The following NRDC variants were observed in gnomAD, a reference collection of about 807,000 sequenced individuals.
NRDC encodes the protein nardilysin.
In NRDC, 54 loss-of-function variants were observed where a neutral mutation model predicts 147.1. The ratio of observed to expected loss-of-function variants is 0.37; its 90% CI spans 0.29 to 0.46. The LOEUF (loss-of-function observed/expected upper bound fraction) is 0.46. Among genes scored for constraint, NRDC ranks in the 20% least tolerant of loss-of-function variants. NRDC has a pLI of 1.00. For missense variants in NRDC, 1,082 were observed against 1,370.6 expected, an observed-to-expected ratio of 0.79 and a Z score of 3.33; for synonymous variants, 440 against 482.1, an observed-to-expected ratio of 0.91 and a Z score of 1.14.
chr1:51,822,812 A>G (rs1208903268), intron 7 of NRDC, among the ~76,000 whole-genome samples: 1 of 152,238 alleles, frequency 6.6e-6, no homozygotes, highest in Non-Finnish European at 1.5e-5. Context: ...CTTTACCTTC[A>G]AGTCAACTTT....
intron 1 of NRDC, among the ~76,000 whole-genome samples, chr1:51,854,195 CTG>C (rs752694898): frequency 2.7e-4 from 41 of 152,156 alleles, no homozygotes; most frequent in Admixed American, 6.5e-4. Context: ...TGAGGAAACT[CTG>C]TCTCTACTAA....
intron 1 of NRDC, among the ~76,000 whole-genome samples, chr1:51,847,926 C>T (rs1018394543): frequency 2.9e-4 from 44 of 152,246 alleles, no homozygotes; most frequent in African/African-American, 1.1e-3. Context: ...ACGCTGTCAC[C>T]TCTCATTTTG....
chr1:51,833,852 C>T (rs745434082), intron 4 of NRDC, among the ~76,000 whole-genome samples, 165 bp downstream of exon 4: 4 of 152,262 alleles, frequency 2.6e-5, no homozygotes, highest in Non-Finnish European at 4.4e-5. Context: ...TGGCTTTAAG[C>T]GAGCCTTCTA....
At chr1:51,836,076 T>TAA in intron 3 of NRDC, 55 bp downstream of exon 3, 1 of 1,326,386 alleles carries the variant, frequency 7.5e-7, no homozygotes. Context: ...TCAATTCATA[T>TAA]AAGTTTGGAG....
intron 1 of NRDC, among the ~76,000 whole-genome samples, chr1:51,875,593 C>T (rs1255216052): frequency 1.3e-5 from 2 of 150,918 alleles, no homozygotes; most frequent in African/African-American, 2.4e-5. Flanking sequence ...CAGTGTCTCA[C>T]TGCCACCCAG....
chr1:51,875,856 A>AT (rs201533416), intron 1 of NRDC, among the ~76,000 whole-genome samples: 30 of 148,320 alleles, frequency 2.0e-4, no homozygotes, highest in East Asian at 3.9e-4. Context: ...ACAGTCTCTA[A>AT]TTTTTTTTTT....
intron 20 of NRDC, among the ~76,000 whole-genome samples, chr1:51,801,594 T>C (rs1311415695): frequency 6.6e-6 from 1 of 152,180 alleles, no homozygotes; most frequent in African/African-American, 2.4e-5. Context: ...AAGAATACAA[T>C]CATATCATCT....
intron 19 of NRDC, among the ~76,000 whole-genome samples, chr1:51,804,217 G>A (rs1679344156): frequency 6.6e-6 from 1 of 152,166 alleles, no homozygotes; most frequent in Non-Finnish European, 1.5e-5. Context: ...ATTGTACAAT[G>A]AGGTAAATGG....
At chr1:51,853,222 A>AT (rs900473338) in intron 1 of NRDC, among the ~76,000 whole-genome samples, 65 of 144,408 alleles carry the variant, frequency 4.5e-4, no homozygotes, top group South Asian at 1.5e-3. Context: ...TCTCCAAAAA[A>AT]AAATATATAT....
At position 51,836,229 on chromosome 1, in the gene NRDC, A is replaced by C; in HGVS notation, c.631-17T>G. 6.2e-7 allele frequency: 1 copy of C among 1,612,352 alleles called. No homozygotes were observed. Among genetic ancestry groups the C allele is most frequent in the Non-Finnish European group, 8.5e-7 (1 of 1,178,460 alleles). On this transcript the variant is annotated splice_polypyrimidine_tract_variant and intron_variant, in intron 2 of 30. Transcript: ENST00000352171. The stretch of plus-strand genomic sequence containing the variant: ...CGCTGCAGACTGGAGTAATTAGAAC[A>C]CATACAAATAGTTGAGTCAACCCTA...
At position 51,878,671 on chromosome 1, in the gene NRDC, G is replaced by C; in HGVS notation, c.-56C>G. On this transcript the variant is annotated 5_prime_UTR_variant, in exon 1 of 31. Coordinates refer to ENST00000352171, the MANE Select transcript of NRDC (RefSeq NM_001101662.2). ...GCTTCCCAGGACCCACCTCCTCCGCGTTCTAGAGGCGGTGGCGGCCGGCCC... is the reference window on the plus strand; with the variant it reads ...GCTTCCCAGGACCCACCTCCTCCGCCTTCTAGAGGCGGTGGCGGCCGGCCC... 2 of 1,483,524 alleles carry C rather than the reference G, an allele frequency of 1.3e-6. No individual in the cohort carries two copies. Among genetic ancestry groups the C allele is most frequent in the Non-Finnish European group, 1.8e-6 (2 of 1,089,646 alleles). 91.9% of individuals were successfully genotyped at this position (1,483,524 alleles called of 1,614,324 possible).
At chr1:51,850,430 AT>A (rs11317805) in intron 1 of NRDC, among the ~76,000 whole-genome samples, 38,687 of 152,088 alleles carry the variant, frequency 0.25, 5,889 homozygotes, top group Non-Finnish European at 0.34. Flanking sequence ...TAAATTCCAG[AT>A]TACTTAGAGC....
intron 1 of NRDC, among the ~76,000 whole-genome samples, chr1:51,846,794 T>C (rs1681644649): frequency 6.6e-6 from 1 of 152,240 alleles, no homozygotes; most frequent in Non-Finnish European, 1.5e-5. Flanking sequence ...CCCACCCACA[T>C]CCTGCTGATT....
intron 22 of NRDC, 163 bp from the exon 23 acceptor site, chr1:51,795,017 C>G (rs1678831211): frequency 3.4e-6 from 5 of 1,488,224 alleles, no homozygotes; most frequent in Middle Eastern, 1.8e-4. Context: ...TTGACTGATT[C>G]AAGATTGATT....
In NRDC at chr1:51,798,379, C is replaced by T. The variant is rs202194904; in HGVS notation, c.2474G>A (p.Arg825His). ...CTGGTACTTGTCAATCATAGACCAA[C>T]GGGCATATTCCAAGATTAAAAGCCG... Reference protein sequence around the residue: ...DVRLLILEYARWSMIDKYQAL... With the variant: ...DVRLLILEYAHWSMIDKYQAL... The change falls in exon 22 of 31, where the codon CGT (arginine) becomes CAT (histidine). Residue 825 changes from arginine (R) to histidine (H), a missense_variant. Arg to His is a conservative substitution (Grantham distance 29, BLOSUM62 0). Around this residue, in one of 3 missense-constraint regions of NRDC, gnomAD observed 635 missense variants for 923.8 expected, o/e 0.69. Transcript: ENST00000352171. 57 of 1,613,680 alleles carry T rather than the reference C, an allele frequency of 3.5e-5. No individual in the cohort carries two copies. Among genetic ancestry groups the T allele is most frequent in the African/African-American group, 9.4e-5 (7 of 74,796 alleles).
intron 1 of NRDC, among the ~76,000 whole-genome samples, chr1:51,871,965 G>A (rs556009826): frequency 2.0e-5 from 3 of 152,064 alleles, no homozygotes; most frequent in East Asian, 3.9e-4. Context: ...TCTGCCTCCC[G>A]GGTTCAAGCG....
At position 51,824,095 on chromosome 1, in the gene NRDC, T is replaced by A. The variant is rs183855331; in HGVS notation, c.1037-309A>T. On this transcript the variant is annotated intron_variant, in intron 6 of 30. Coordinates refer to ENST00000352171, the MANE Select transcript of NRDC (RefSeq NM_001101662.2). ...AGTATTCAATCCAGGTTCTTTCTAA[T>A]TATTTTAATAATATTTTTGCCTAAT... is the stretch of plus-strand genomic sequence containing the variant. Among the ~76,000 whole-genome samples, 24 of 152,004 alleles carry A rather than the reference T, an allele frequency of 1.6e-4. 1 individual carries two copies. In the East Asian group the frequency reaches 4.4e-3, roughly 28 times the overall value.
chr1:51,849,574 T>G (rs1200042107), intron 1 of NRDC, among the ~76,000 whole-genome samples: 2 of 151,976 alleles, frequency 1.3e-5, no homozygotes, highest in Admixed American at 6.6e-5. Context: ...CCCGGCACTT[T>G]GGAAGGTGGA....
intron 1 of NRDC, among the ~76,000 whole-genome samples, chr1:51,864,942 C>T (rs1182393157): frequency 1.4e-5 from 2 of 146,604 alleles, no homozygotes; most frequent in Non-Finnish European, 3.0e-5. Context: ...GGAGTGAGAC[C>T]TGGTCTTAAA....
Sources: gnomAD v4.1 joint callset for allele counts (sites outside exome capture counted in the v4.1 genomes callset) on GRCh38, gnomAD v4.1.1 for gene constraint, gnomAD v4.1.1 regional missense constraint, MANE v1.5 for transcripts, NCBI Gene and HGNC (gene_info 2026-07-23, HGNC 2026-07-21) for gene names.